C12orf50: variants seen among roughly 807,000 people sequenced by gnomAD.
C12orf50 encodes zinc finger CCCH-type containing 11D.
A neutral mutation model predicts 61.6 loss-of-function variants in C12orf50; 35 were observed. That is an observed-to-expected ratio of 0.57 (90% CI 0.43 to 0.75). C12orf50 has a LOEUF of 0.75. C12orf50 is among the 30% of genes least tolerant of loss of function. C12orf50 has a pLI of 0.00. For synonymous variants in C12orf50, 178 were observed against 161.5 expected (o/e 1.10, Z -0.77); for missense variants, 475 against 488.5 (o/e 0.97, Z 0.26).
At chr12:88,016,849 G>C (rs750124821) in intron 3 of C12orf50, among the ~76,000 whole-genome samples, 2 of 152,190 alleles carry the variant, frequency 1.3e-5, no homozygotes, top group African/African-American at 4.8e-5. Context: ...AAATCATAGG[G>C]AGTATGGCAA....
intron 3 of C12orf50, among the ~76,000 whole-genome samples, chr12:88,005,785 G>C (rs913205008): frequency 6.6e-6 from 1 of 151,824 alleles, no homozygotes; most frequent in Non-Finnish European, 1.5e-5. Flanking sequence ...TGCCTGCCCA[G>C]TAGTTACCTG....
chr12:88,015,397 C>T (rs997728415), intron 3 of C12orf50, among the ~76,000 whole-genome samples: 1 of 152,138 alleles, frequency 6.6e-6, no homozygotes, highest in East Asian at 1.9e-4. Context: ...TTTAAAGTGG[C>T]CAAATCAGTT....
In C12orf50 at chr12:88,027,081, A is replaced by G; in HGVS notation, c.-108-11T>C. 2 of 1,598,272 alleles carry G rather than the reference A, an allele frequency of 1.3e-6. No homozygotes were observed. On this transcript the variant is annotated splice_polypyrimidine_tract_variant and intron_variant, in intron 1 of 12. Coordinates refer to ENST00000298699, the MANE Select transcript of C12orf50 (RefSeq NM_152589.3). ...TCGGCACTGGGAACCCTAAAAGAAA[A>G]AGTAAACAGTGTAGAAAGCTCAATA...
Position 87,989,569 on chromosome 12 carries a change from G to A in C12orf50, c.593-198C>T, listed in dbSNP as rs540637526. The stretch of plus-strand genomic sequence containing the variant: ...TAATATATATGTATATGAATATGCA[G>A]TATGTAAACTTACATATAGATAATT... On this transcript the variant is annotated intron_variant, in intron 7 of 12. Transcript: ENST00000298699. Among the ~76,000 whole-genome samples, 17 of 152,106 alleles carry A rather than the reference G, an allele frequency of 1.1e-4. No individual in the cohort carries two copies. The East Asian group carries it at 2.9e-3, about 26-fold the overall frequency.
chr12:88,005,634 TTTTA>T (rs1220105469), intron 3 of C12orf50, among the ~76,000 whole-genome samples: 1 of 152,140 alleles, frequency 6.6e-6, no homozygotes, highest in Non-Finnish European at 1.5e-5. Context: ...ATGTTATTTA[TTTTA>T]TTTATTTATT....
At chr12:87,982,575 T>C (rs1343040158) in intron 12 of C12orf50, among the ~76,000 whole-genome samples, 1 of 152,104 alleles carries the variant, frequency 6.6e-6, no homozygotes, top group Non-Finnish European at 1.5e-5. Flanking sequence ...AGGTCAGGGA[T>C]ACAACAAACC....
intron 3 of C12orf50, among the ~76,000 whole-genome samples, chr12:88,000,409 C>T (rs1420721975): frequency 6.6e-6 from 1 of 151,970 alleles, no homozygotes; most frequent in Non-Finnish European, 1.5e-5. Flanking sequence ...AATTTTTATG[C>T]TAGTCCATAT....
rs1435303975 is a variant in C12orf50 at position 87,987,981 on chromosome 12, T to A, written c.701-15A>T. Reference sequence around the variant, plus strand: ...GTCCTTGTTATCTTTTAAAGCAAATTAAGAAAATAAAATGTCAATATTAGT... The same window carrying A: ...GTCCTTGTTATCTTTTAAAGCAAATAAAGAAAATAAAATGTCAATATTAGT... On this transcript the variant is annotated splice_polypyrimidine_tract_variant and intron_variant, in intron 8 of 12. Coordinates refer to ENST00000298699, the MANE Select transcript of C12orf50 (RefSeq NM_152589.3). The A allele has an allele frequency of 2.7e-6, 4 of 1,504,678 alleles. No individual in the cohort carries two copies. The highest frequency in any genetic ancestry group is 2.7e-6 in the Non-Finnish European group (3 of 1,093,930). The allele number at this position is 1,504,678 out of a possible 1,614,324, so 93.2% of individuals were successfully genotyped here.
intron 4 of C12orf50, among the ~76,000 whole-genome samples, 169 bp downstream of exon 4, chr12:87,997,866 T>C (rs560222262): frequency 3.9e-5 from 6 of 152,318 alleles, no homozygotes; most frequent in Admixed American, 3.9e-4. Flanking sequence ...ATCATAAATA[T>C]GTAGCAAATT....
At chr12:88,018,948 C>G (rs1204069157) in intron 3 of C12orf50, among the ~76,000 whole-genome samples, 1 of 152,178 alleles carries the variant, frequency 6.6e-6, no homozygotes, top group African/African-American at 2.4e-5. Context: ...GCAGAAGGGA[C>G]TTGCCTTGTC....
At chr12:87,996,212 A>T (rs2031380073) in intron 6 of C12orf50, among the ~76,000 whole-genome samples, 162 bp downstream of exon 6, 1 of 152,216 alleles carries the variant, frequency 6.6e-6, no homozygotes. Context: ...TAATCCCATT[A>T]ATAGCAGCTT....
chr12:87,992,055 G>A (rs952336692), intron 7 of C12orf50, among the ~76,000 whole-genome samples: 2 of 152,164 alleles, frequency 1.3e-5, no homozygotes, highest in Non-Finnish European at 2.9e-5. Flanking sequence ...AGACAGGAGA[G>A]GGCAGCACAG....
Position 87,996,384 on chromosome 12 carries a change from T to C in C12orf50, c.471A>G (p.Glu157=). ...QLEKPLENGS[E]LQEGDSLTVP... is the part of the protein sequence containing the mutation. The stretch of plus-strand genomic sequence containing the variant: ...CTTTTCATTTCTTACCTTCTTGCAA[T>C]TCACTGCCATTTTCCAAAGGCTTTT... The change falls in exon 6 of 13, where the codon GAA becomes GAG. Residue 157 remains glutamate (E), a synonymous_variant. Transcript: ENST00000298699. 6.2e-7 allele frequency: 1 copy of C among 1,606,886 alleles called. No individual in the cohort carries two copies. The highest frequency in any genetic ancestry group is 8.5e-7 in the Non-Finnish European group (1 of 1,173,882).
intron 3 of C12orf50, among the ~76,000 whole-genome samples, chr12:88,013,183 G>A (rs1191047682): frequency 4.6e-5 from 7 of 151,688 alleles, no homozygotes; most frequent in African/African-American, 1.7e-4. Flanking sequence ...TGCAATGAAT[G>A]ATGCTTAATT....
In C12orf50 at chr12:88,026,614, T is replaced by C. The variant is rs369792781; in HGVS notation, c.13-6A>G. 1.3e-4 allele frequency: 208 copies of C among 1,612,132 alleles called. 2 individuals are homozygous for C. The highest frequency in any genetic ancestry group is 6.0e-4 in the South Asian group (55 of 90,962). On this transcript the variant is annotated splice_polypyrimidine_tract_variant and splice_region_variant and intron_variant, in intron 2 of 12. Coordinates refer to ENST00000298699, the MANE Select transcript of C12orf50 (RefSeq NM_152589.3). The stretch of plus-strand genomic sequence containing the variant: ...CATGAAATGCTGCAGTTTTGCTAGA[T>C]AAAAGGAGATTGGGGGAAATGTAAT...
chr12:88,024,545 C>T (rs2032632650), intron 3 of C12orf50, among the ~76,000 whole-genome samples: 1 of 152,158 alleles, frequency 6.6e-6, no homozygotes, highest in Non-Finnish European at 1.5e-5. Flanking sequence ...CCAAATGCCA[C>T]ATGTTCTAAC....
intron 3 of C12orf50, among the ~76,000 whole-genome samples, chr12:88,022,702 A>G (rs4365128): frequency 0.079 from 12,066 of 152,262 alleles, 503 homozygotes; most frequent in Non-Finnish European, 0.087. Flanking sequence ...GCATTCCTAT[A>G]CAACAACAAC....
intron 6 of C12orf50, 139 bp downstream of exon 6, chr12:87,996,235 T>C: frequency 6.0e-6 from 4 of 666,256 alleles, no homozygotes; most frequent in South Asian, 2.0e-5. Context: ...GGTCATCCAA[T>C]ACAAACACTT....
chr12:87,997,918 T>A (rs2031482473), intron 4 of C12orf50, 117 bp downstream of exon 4: 4 of 707,776 alleles, frequency 5.7e-6, no homozygotes, highest in Non-Finnish European at 8.7e-6. Context: ...ATTATAGTTA[T>A]TTTCTCAGCA....
Sources: allele counts gnomAD v4.1 joint callset (sites outside exome capture counted in the v4.1 genomes callset), GRCh38; gene constraint gnomAD v4.1.1; transcripts MANE v1.5; gene names NCBI Gene and HGNC (gene_info 2026-07-23, HGNC 2026-07-21).